The following ABCA1 variants were observed in gnomAD, a reference collection of about 807,000 sequenced individuals.
The protein encoded by ABCA1 is phospholipid-transporting ATPase ABCA1.
Under a neutral mutation model 262.5 loss-of-function variants are expected in ABCA1, and 133 were observed. The observed-to-expected ratio is 0.51, with a 90% CI of 0.44 to 0.59. ABCA1 has a LOEUF of 0.59. Ranked by LOEUF, ABCA1 falls within the 20% of genes least tolerant of loss-of-function variation. The pLI is 0.00. For synonymous variants in ABCA1, 1,022 were observed against 1,043.5 expected (o/e 0.98, Z 0.40); for missense variants, 2,452 against 2,777.5 (o/e 0.88, Z 2.63).
intron 17 of ABCA1, among the ~76,000 whole-genome samples, chr9:104,825,367 G>T (rs985662111): frequency 6.6e-6 from 1 of 152,194 alleles, no homozygotes; most frequent in African/African-American, 2.4e-5. Context: ...ACGTCTTTGA[G>T]TCACAGTTCT....
intron 27 of ABCA1, among the ~76,000 whole-genome samples, chr9:104,813,677 C>T (rs529030473): frequency 3.9e-5 from 6 of 152,162 alleles, no homozygotes; most frequent in Non-Finnish European, 7.3e-5. Context: ...CCTCTCAAAG[C>T]GCTGGGATTA....
intron 18 of ABCA1, among the ~76,000 whole-genome samples, chr9:104,823,899 G>C (rs1832593344): frequency 6.6e-6 from 1 of 152,158 alleles, no homozygotes; most frequent in Non-Finnish European, 1.5e-5. Context: ...TGGCAGAAAA[G>C]GGACCTATTA....
chr9:104,822,097 C>T (rs1329497674), intron 19 of ABCA1, among the ~76,000 whole-genome samples: 1 of 152,130 alleles, frequency 6.6e-6, no homozygotes. Flanking sequence ...TCCTTGAGGT[C>T]GCAGGGAAGG....
chr9:104,896,359 T>C (rs1190597358), intron 2 of ABCA1, among the ~76,000 whole-genome samples: 1 of 152,162 alleles, frequency 6.6e-6, no homozygotes, highest in Non-Finnish European at 1.5e-5. Flanking sequence ...AGAACTGTAG[T>C]AGGATAAATA....
Position 104,810,859 on chromosome 9 carries a change from G to C in ABCA1, c.4116C>G (p.Gly1372=). The change falls in exon 29 of 50, where the codon GGC becomes GGG. Residue 1372 remains glycine, a synonymous_variant. Coordinates refer to ENST00000374736, the MANE Select transcript of ABCA1 (RefSeq NM_005502.4). ...GCTGAAGTTCCAGGCTGGGGTACTT[G>C]CCAAAGGGTGGCACGATCAGGCTGA... is the stretch of plus-strand genomic sequence containing the variant. The part of the protein sequence containing the change: ...LVFSLIVPPF[G]KYPSLELQPW... 1 of 1,614,226 alleles carries C rather than the reference G, an allele frequency of 6.2e-7. No homozygotes were observed. The highest frequency in any genetic ancestry group is 2.2e-5 in the East Asian group (1 of 44,874).
intron 11 of ABCA1, among the ~76,000 whole-genome samples, chr9:104,834,974 C>T (rs568714027): frequency 4.6e-5 from 7 of 152,138 alleles, no homozygotes; most frequent in African/African-American, 1.4e-4. Context: ...AAAGGCCGGG[C>T]GCGGTGGCTC....
chr9:104,810,055 A>G (rs1349770037), intron 29 of ABCA1, among the ~76,000 whole-genome samples: 5 of 151,620 alleles, frequency 3.3e-5, no homozygotes, highest in African/African-American at 1.2e-4. Flanking sequence ...ATACAGGGTC[A>G]GCAGCCGGAA....
intron 1 of ABCA1, among the ~76,000 whole-genome samples, chr9:104,913,850 C>CA: frequency 6.6e-6 from 1 of 152,292 alleles, no homozygotes; most frequent in Admixed American, 6.5e-5. Context: ...GGCTGGAGTG[C>CA]AGTGGCGCGA....
At chr9:104,918,394 C>T (rs1478765210) in intron 1 of ABCA1, among the ~76,000 whole-genome samples, 1 of 152,088 alleles carries the variant, frequency 6.6e-6, no homozygotes, top group African/African-American at 2.4e-5. Flanking sequence ...TAATCCAGGA[C>T]AAAACTATCA....
chr9:104,792,660 C>A (rs1239407469), intron 42 of ABCA1, 126 bp downstream of exon 42: 1 of 1,209,066 alleles, frequency 8.3e-7, no homozygotes, highest in Non-Finnish European at 1.2e-6. Context: ...ATTGACAGAA[C>A]CTTGGTATAG....
chr9:104,854,236 G>A (rs777288218), intron 7 of ABCA1, among the ~76,000 whole-genome samples: 1 of 152,080 alleles, frequency 6.6e-6, no homozygotes, highest in African/African-American at 2.4e-5. Context: ...ACAACTGCAC[G>A]GGACTGAATT....
intron 7 of ABCA1, among the ~76,000 whole-genome samples, chr9:104,856,666 C>A (rs557945567): frequency 1.3e-5 from 2 of 152,244 alleles, no homozygotes; most frequent in African/African-American, 4.8e-5. Flanking sequence ...GGGTTGTGTA[C>A]ACAATAGGTG....
chr9:104,798,799 A>G (rs1246796642), intron 36 of ABCA1, among the ~76,000 whole-genome samples: 1 of 152,198 alleles, frequency 6.6e-6, no homozygotes, highest in African/African-American at 2.4e-5. Context: ...AAATATGACA[A>G]TGTAAATGCC....
chr9:104,799,795 C>T (rs1416990568), intron 36 of ABCA1, 24 bp downstream of exon 36: 1 of 1,614,168 alleles, frequency 6.2e-7, no homozygotes, highest in East Asian at 2.2e-5. Context: ...CCCACTCCAT[C>T]TATACAGACA....
At chr9:104,856,040 T>G (rs1186693005) in intron 7 of ABCA1, 1 of 1,612,356 alleles carries the variant, frequency 6.2e-7, no homozygotes, top group Non-Finnish European at 8.5e-7. Flanking sequence ...GCTGCACTTC[T>G]TGGCACAGTT....
chr9:104,861,876 T>C (rs1426222813), intron 5 of ABCA1, 76 bp from the exon 6 acceptor site: 1 of 1,315,288 alleles, frequency 7.6e-7, no homozygotes, highest in Non-Finnish European at 1.1e-6. Context: ...AATGGGACAG[T>C]GGAGAAACGT....
intron 5 of ABCA1, among the ~76,000 whole-genome samples, chr9:104,865,386 G>A (rs1261758811): frequency 6.6e-6 from 1 of 151,888 alleles, no homozygotes; most frequent in Non-Finnish European, 1.5e-5. Flanking sequence ...TGTGGTGGTG[G>A]GTGCCTGTAA....
chr9:104,805,960 C>A (rs964079300), intron 31 of ABCA1, among the ~76,000 whole-genome samples: 24 of 152,138 alleles, frequency 1.6e-4, no homozygotes, highest in African/African-American at 5.6e-4. Flanking sequence ...CAAAAATTAG[C>A]CAGACATGGT....
chr9:104,836,075 T>C (rs1833791508), intron 11 of ABCA1, among the ~76,000 whole-genome samples: 1 of 152,194 alleles, frequency 6.6e-6, no homozygotes, highest in Non-Finnish European at 1.5e-5. Context: ...TGAGCTATAT[T>C]AGTCAGTGTG....
Sources: allele counts gnomAD v4.1 joint callset (sites outside exome capture counted in the v4.1 genomes callset), GRCh38; gene constraint gnomAD v4.1.1; transcripts MANE v1.5; gene names NCBI Gene and HGNC (gene_info 2026-07-23, HGNC 2026-07-21).